POLB: variants seen among roughly 807,000 people sequenced by gnomAD.
POLB encodes 5'-dRP lyase.
In POLB, 37 loss-of-function variants were observed where a neutral mutation model predicts 52.7. The observed-to-expected ratio is 0.70, with a 90% CI of 0.54 to 0.92. The LOEUF is 0.92. Ranked by LOEUF, POLB falls within the 40% of genes least tolerant of loss-of-function variation. The probability of loss-of-function intolerance (pLI) is 0.00; values close to 1 mark genes in which losing one functional copy is unlikely to be tolerated. For missense variants in POLB, 313 were observed against 400.8 expected (o/e 0.78, Z 1.87); for synonymous variants, 138 against 131.3 (o/e 1.05, Z -0.35).
At chr8:42,368,169 C>T (rs968037242) in intron 11 of POLB, among the ~76,000 whole-genome samples, 3 of 152,186 alleles carry the variant, frequency 2.0e-5, no homozygotes, top group Non-Finnish European at 2.9e-5. Flanking sequence ...ATGTGACAAA[C>T]AGGAACATCA....
At chr8:42,342,469 G>C in intron 2 of POLB, 1 of 1,158,982 alleles carries the variant, frequency 8.6e-7, no homozygotes, top group African/African-American at 1.5e-5. Flanking sequence ...ATCTCTGTTT[G>C]TTATATGAAC....
At chr8:42,348,969 T>G in intron 3 of POLB, 47 bp from the exon 4 acceptor site, 1 of 987,588 alleles carries the variant, frequency 1.0e-6, no homozygotes, top group East Asian at 2.5e-5. Flanking sequence ...AGTGATTTGG[T>G]AAGCATTATA....
At chr8:42,365,738 C>T (rs1823996842) in intron 11 of POLB, among the ~76,000 whole-genome samples, 1 of 152,124 alleles carries the variant, frequency 6.6e-6, no homozygotes, top group African/African-American at 2.4e-5. Flanking sequence ...TAATGGTGTT[C>T]TGCTGTGCTC....
At chr8:42,358,014 T>G (rs1823433665) in intron 9 of POLB, 1 of 151,954 alleles carries the variant, frequency 6.6e-6, no homozygotes, top group Admixed American at 6.6e-5. Context: ...CGTGAGCCAC[T>G]GTGCCCAACT....
chr8:42,369,038 C>A, intron 11 of POLB: 1 of 333,934 alleles, frequency 3.0e-6, no homozygotes, highest in South Asian at 9.5e-5. Context: ...ACACAAAGAC[C>A]AAATCCTCAT....
chr8:42,370,879 C>T (rs888796588), intron 13 of POLB, among the ~76,000 whole-genome samples: 1 of 152,144 alleles, frequency 6.6e-6, no homozygotes, highest in Non-Finnish European at 1.5e-5. Context: ...GGAGCTGGGC[C>T]GCATGCAGCT....
chr8:42,352,094 C>A, intron 5 of POLB, among the ~76,000 whole-genome samples: 1 of 152,198 alleles, frequency 6.6e-6, no homozygotes, highest in East Asian at 1.9e-4. Context: ...GCCATTCTGT[C>A]ATATTCTATT....
chr8:42,357,089 A>G (rs1445275723), intron 7 of POLB, 80 bp from the exon 8 acceptor site: 1 of 775,516 alleles, frequency 1.3e-6, no homozygotes, highest in Non-Finnish European at 2.2e-6. Flanking sequence ...GGCACGGACA[A>G]TTGTTATAAA....
intron 7 of POLB, among the ~76,000 whole-genome samples, chr8:42,356,122 T>C (rs1585895708): frequency 6.6e-6 from 1 of 152,256 alleles, no homozygotes; most frequent in African/African-American, 2.4e-5. Flanking sequence ...TTTACAGTTA[T>C]AGTGCATAAG....
intron 4 of POLB, 182 bp downstream of exon 4, chr8:42,349,272 T>G (rs189353663): frequency 1.4e-4 from 71 of 502,306 alleles, no homozygotes; most frequent in Non-Finnish European, 7.1e-6. Flanking sequence ...TTGTTTTATG[T>G]GGCATTTAAG....
At chr8:42,367,331 A>T (rs1824102965) in intron 11 of POLB, among the ~76,000 whole-genome samples, 1 of 152,168 alleles carries the variant, frequency 6.6e-6, no homozygotes, top group Non-Finnish European at 1.5e-5. Flanking sequence ...AGGAGAGTGC[A>T]GGAGGCAGTA....
chr8:42,342,787 G>A (rs940312477), intron 2 of POLB, among the ~76,000 whole-genome samples: 11 of 151,942 alleles, frequency 7.2e-5, no homozygotes, highest in South Asian at 4.1e-4. Flanking sequence ...ATGAACCCAG[G>A]AGTTCAAGAC....
intron 3 of POLB, 137 bp downstream of exon 3, chr8:42,345,156 A>C: frequency 1.6e-6 from 1 of 639,004 alleles, no homozygotes; most frequent in South Asian, 2.0e-5. Flanking sequence ...TCTTGGAATA[A>C]CATTCATGCT....
chr8:42,338,542 C>A lies in POLB; in HGVS notation c.-83C>A, dbSNP rs1821985448. ...GCTGGGTTGCTCCTGCTCCCGTCTC[C>A]AAGTCCTGGTACCTCCTTCAAGCTG... On this transcript the variant is annotated 5_prime_UTR_variant, in exon 1 of 14. Transcript: ENST00000265421. 4.7e-6 allele frequency: 6 copies of A among 1,278,710 alleles called. No individual in the cohort carries two copies. The highest frequency in any genetic ancestry group is 1.5e-5 in the African/African-American group (1 of 68,434). The allele number at this position is 1,278,710 out of a possible 1,614,324, so 79.2% of individuals were successfully genotyped here. A position where few individuals can be genotyped will look rare whatever the true frequency, so the allele number is the denominator to read the frequency against.
chr8:42,371,724 G>A lies in POLB; in HGVS notation c.*67G>A, dbSNP rs746943223. 1.8e-5 allele frequency: 17 copies of A among 932,258 alleles called. No homozygotes were observed. Among genetic ancestry groups the A allele is most frequent in the Non-Finnish European group, 3.0e-5 (17 of 571,834 alleles). The allele number at this position is 932,258 out of a possible 1,614,324, so 57.7% of individuals were successfully genotyped here. ...TAATTTATTTCTTAACCTTTGCTAT[G>A]TAAGGGTCTTTGGTGTTTTTAAATG... is the stretch of plus-strand genomic sequence containing the variant. On this transcript the variant is annotated 3_prime_UTR_variant, in exon 14 of 14. Transcript: ENST00000265421.
intron 9 of POLB, among the ~76,000 whole-genome samples, chr8:42,360,784 G>A (rs752536895): frequency 6.6e-6 from 1 of 151,432 alleles, no homozygotes; most frequent in Non-Finnish European, 1.5e-5. Context: ...GGATCTCTCT[G>A]TGTTGACTGG....
intron 11 of POLB, among the ~76,000 whole-genome samples, chr8:42,364,984 G>A (rs3136783): frequency 0.13 from 19,044 of 152,140 alleles, 1,599 homozygotes; most frequent in Admixed American, 0.23. Context: ...TGACTTGGGA[G>A]GCTAAGGTGG....
intron 1 of POLB, 71 bp from the exon 2 acceptor site, chr8:42,338,941 C>A: frequency 3.1e-6 from 4 of 1,310,524 alleles, no homozygotes; most frequent in Non-Finnish European, 4.4e-6. Flanking sequence ...CTGCCATATC[C>A]CCTTCCAGAA....
rs892304756 is a variant in POLB, at chr8:42,338,533, T to C, written c.-92T>C. On this transcript the variant is annotated 5_prime_UTR_variant, in exon 1 of 14. Coordinates refer to ENST00000265421, the MANE Select transcript of POLB (RefSeq NM_002690.3). ...CGCGCCGGAGCTGGGTTGCTCCTGC[T>C]CCCGTCTCCAAGTCCTGGTACCTCC... 2 of 1,159,116 alleles carry C rather than the reference T, an allele frequency of 1.7e-6. No individual in the cohort carries two copies. Among genetic ancestry groups the C allele is most frequent in the South Asian group, 1.2e-5 (1 of 81,752 alleles). 71.8% of individuals were successfully genotyped at this position (1,159,116 alleles called of 1,614,324 possible). A position where few individuals can be genotyped will look rare whatever the true frequency, so the allele number is the denominator to read the frequency against.
Sources: gnomAD v4.1 joint callset for allele counts (sites outside exome capture counted in the v4.1 genomes callset) on GRCh38, gnomAD v4.1.1 for gene constraint, MANE v1.5 for transcripts, NCBI Gene and HGNC (gene_info 2026-07-23, HGNC 2026-07-21) for gene names.